Variants in ZNF469 observed in about 807,000 individuals in gnomAD.
ZNF469 encodes the protein zinc finger protein 469.
In ZNF469, 1 loss-of-function variant was observed where a neutral mutation model predicts 1.0. That is an observed-to-expected ratio of 1.00 (90% CI 0.35 to 4.73). The LOEUF (loss-of-function observed/expected upper bound fraction) is 4.73. Ranked by LOEUF, ZNF469 falls within the 30% of genes most tolerant of loss-of-function variation. The pLI is 0.16. For missense variants in ZNF469, 6,100 were observed against 5,356.3 expected, an observed-to-expected ratio of 1.14 and a Z score of -4.33; for synonymous variants, 2,703 against 2,363.4, an observed-to-expected ratio of 1.14 and a Z score of -4.17.
chr16:88,135,752 T>TA, the ZNF469 span, among the ~76,000 whole-genome samples: 15,386 of 36,114 alleles, frequency 0.43, 4,728 homozygotes, highest in East Asian at 0.61. Flanking sequence ...GGCCATGTTT[T>TA]TTTTTTTTTT....
the ZNF469 span, among the ~76,000 whole-genome samples, chr16:88,161,265 G>A: frequency 6.6e-6 from 1 of 152,156 alleles, no homozygotes; most frequent in Non-Finnish European, 1.5e-5. Flanking sequence ...TAATAGCATG[G>A]TTAAAACAAC....
chr16:88,238,086 T>C, the ZNF469 span, among the ~76,000 whole-genome samples: 3 of 152,260 alleles, frequency 2.0e-5, no homozygotes, highest in African/African-American at 7.2e-5. Flanking sequence ...TGGTTTCTCC[T>C]AAGTTTCTGG....
upstream of ZNF469, among the ~76,000 whole-genome samples, chr16:88,382,041 C>T (rs1227938830): frequency 1.3e-5 from 2 of 152,238 alleles, no homozygotes; most frequent in Non-Finnish European, 2.9e-5. Context: ...GAAAGCATTC[C>T]TTTCTGCGAA....
the ZNF469 span, among the ~76,000 whole-genome samples, chr16:88,112,281 T>C: frequency 6.6e-6 from 1 of 152,166 alleles, no homozygotes. Flanking sequence ...ATGGATTCCT[T>C]TCTTTTGGGT....
In ZNF469 at chr16:88,385,155, C is replaced by T. The variant is rs1043423885; in HGVS notation, c.-192+1901C>T. Among the ~76,000 whole-genome samples the T allele has an allele frequency of 5.3e-5, 8 of 152,170 alleles. No individual in the cohort carries two copies. The South Asian group carries it at 6.2e-4, about 12-fold the overall frequency. ...ATTCAGTGGGTTTCTGCCCTTTCCT[C>T]GTGTTTGCTGAACGGAAGTAAACCT... On this transcript the variant is annotated intron_variant, in intron 1 of 2. Transcript: ENST00000565624.
chr16:88,250,848 G>A, the ZNF469 span, among the ~76,000 whole-genome samples: 1 of 152,018 alleles, frequency 6.6e-6, no homozygotes, highest in Non-Finnish European at 1.5e-5. Context: ...ACTTTGTTGA[G>A]GCTTCCTACC....
Position 88,432,964 on chromosome 16 carries a change from C to G in ZNF469, c.5494C>G (p.Gln1832Glu). Residue 1832 changes from glutamine to glutamate, a missense_variant, in exon 3 of 3, where the codon CAG becomes GAG. By Grantham distance (29) the Gln-to-Glu change is conservative (BLOSUM62 2). Coordinates refer to ENST00000565624, the MANE Select transcript of ZNF469 (RefSeq NM_001367624.2). ...PFGASPSHAA[Q>E]GHSAGRAGGH... ...TGGTGCCAGTCCCAGCCATGCTGCC[C>G]AGGGACATTCTGCAGGCAGAGCAGG... The G allele has an allele frequency of 6.4e-7, 1 of 1,550,428 alleles. No individual in the cohort carries two copies. Among genetic ancestry groups the G allele is most frequent in the South Asian group, 1.2e-5 (1 of 84,068 alleles).
chr16:88,187,884 T>C, the ZNF469 span, among the ~76,000 whole-genome samples: 2 of 152,118 alleles, frequency 1.3e-5, no homozygotes, highest in African/African-American at 4.8e-5. Context: ...CCTCTCCTCC[T>C]CCTGTGCTGT....
At chr16:88,341,029 C>T in the ZNF469 span, among the ~76,000 whole-genome samples, 1 of 152,180 alleles carries the variant, frequency 6.6e-6, no homozygotes, top group East Asian at 1.9e-4. Flanking sequence ...AGCTCCTGGC[C>T]CCCTCCTGAG....
the ZNF469 span, among the ~76,000 whole-genome samples, chr16:88,254,870 C>G: frequency 3.3e-5 from 5 of 151,790 alleles, no homozygotes; most frequent in Admixed American, 1.3e-4. Context: ...GTTTTGATTG[C>G]AAATGCTTTG....
intron 1 of ZNF469, among the ~76,000 whole-genome samples, chr16:88,387,240 C>T (rs527779911): frequency 2.6e-5 from 4 of 152,334 alleles, no homozygotes; most frequent in African/African-American, 7.2e-5. Context: ...CCTCAGTGGC[C>T]GGAGGGTTGC....
Position 88,434,129 on chromosome 16 carries a change from GC to G in ZNF469, c.6664del (p.Leu2222TrpfsTer15). On this transcript the variant is annotated frameshift_variant, in exon 3 of 3. Coordinates refer to ENST00000565624, the MANE Select transcript of ZNF469 (RefSeq NM_001367624.2). LOFTEE classifies it low-confidence loss of function (END_TRUNC). ...LAGCLLQGEGSPLEDPSSWPP... is the reference protein window; with the variant it reads ...LAGCLLQGEGXPLEDPSSWPP... Reference sequence around the variant, plus strand: ...GGTTGCCTTCTCCAGGGGGAGGGCAGCCCCCTGGAAGACCCTTCCTCCTGGC... The same window carrying G: ...GGTTGCCTTCTCCAGGGGGAGGGCAGCCCCTGGAAGACCCTTCCTCCTGGC... The G allele has an allele frequency of 6.5e-7, 1 of 1,550,294 alleles. No individual in the cohort carries two copies. The highest frequency in any genetic ancestry group is 2.4e-5 in the East Asian group (1 of 40,918).
chr16:88,206,343 G>A, the ZNF469 span, among the ~76,000 whole-genome samples: 1 of 152,206 alleles, frequency 6.6e-6, no homozygotes, highest in Non-Finnish European at 1.5e-5. Context: ...GAGTGCAGGA[G>A]GCTGTGGGTC....
chr16:88,113,788 AC>A, the ZNF469 span, among the ~76,000 whole-genome samples: 2 of 151,832 alleles, frequency 1.3e-5, no homozygotes, highest in Non-Finnish European at 2.9e-5. Context: ...CTGGTTTGAC[AC>A]CCCCCGGTGC....
chr16:88,401,314 A>G (rs1199286779), intron 1 of ZNF469, among the ~76,000 whole-genome samples: 1 of 152,250 alleles, frequency 6.6e-6, no homozygotes, highest in Admixed American at 6.5e-5. Flanking sequence ...AGTGGGGGAC[A>G]GTACGGCAGT....
rs1906928946 is a variant in ZNF469, at chr16:88,440,566, CAA to C, written c.*1237_*1238del. The C allele has an allele frequency of 6.6e-6, 1 of 152,126 alleles. No individual in the cohort carries two copies. The highest frequency in any genetic ancestry group is 6.5e-5 in the Admixed American group (1 of 15,274). The allele number at this position is 152,126 out of a possible 1,614,324, so 9.4% of individuals were successfully genotyped here. ...TTTTACTTGGGTGCAATGTGTACGT[CAA>C]AAGTTTTTATTTTGATATTTGAAAG... On this transcript the variant is annotated 3_prime_UTR_variant, in exon 3 of 3. Transcript: ENST00000565624.
chr16:88,174,939 CGT>C, the ZNF469 span, among the ~76,000 whole-genome samples: 510 of 150,344 alleles, frequency 3.4e-3, 1 homozygote, highest in Middle Eastern at 0.01. Flanking sequence ...TAGGGTCAAC[CGT>C]GTGTGTGTGT....
the ZNF469 span, among the ~76,000 whole-genome samples, chr16:88,302,240 C>T: frequency 3.7e-3 from 563 of 152,334 alleles, 5 homozygotes; most frequent in African/African-American, 0.012. Context: ...CCGCTGCTGT[C>T]GGAGTGCTGG....
chr16:88,113,098 G>A, the ZNF469 span, among the ~76,000 whole-genome samples: 5 of 152,142 alleles, frequency 3.3e-5, no homozygotes, highest in Non-Finnish European at 7.4e-5. Context: ...AAGCTTTTTA[G>A]CTCGAGGTGG....
Sources: gnomAD v4.1 joint callset for allele counts (sites outside exome capture counted in the v4.1 genomes callset) on GRCh38, gnomAD v4.1.1 for gene constraint, MANE v1.5 for transcripts, NCBI Gene and HGNC (gene_info 2026-07-23, HGNC 2026-07-21) for gene names.